ADRA1A: variants seen among roughly 807,000 people sequenced by gnomAD.
ADRA1A encodes the protein alpha-1A adrenergic receptor.
A neutral mutation model predicts 29.6 loss-of-function variants in ADRA1A; 31 were observed. The observed-to-expected ratio is 1.05, with a 90% CI of 0.79 to 1.41. The LOEUF is 1.41. Ranked by LOEUF, ADRA1A falls within the 40% of genes most tolerant of loss-of-function variation. ADRA1A has a pLI of 0.00. For synonymous variants in ADRA1A, 311 were observed against 254.3 expected (o/e 1.22, Z -2.12); for missense variants, 619 against 601.1 (o/e 1.03, Z -0.31).
chr8:26,764,640 T>C (rs1186878724), downstream of ADRA1A, among the ~76,000 whole-genome samples: 2 of 152,240 alleles, frequency 1.3e-5, no homozygotes, highest in Non-Finnish European at 2.9e-5. Context: ...TTTCTTTATA[T>C]GCTAAAGTGT....
At chr8:26,829,227 G>C (rs994618868) in intron 2 of ADRA1A, among the ~76,000 whole-genome samples, 3 of 152,078 alleles carry the variant, frequency 2.0e-5, no homozygotes, top group Non-Finnish European at 4.4e-5. Context: ...AATCCTGCTT[G>C]ACACAAGACC....
rs919575920 is a variant in ADRA1A at position 26,775,383 on chromosome 8, G to T, written c.884-4717C>A. 7.2e-5 allele frequency among the ~76,000 whole-genome samples: 11 copies of T among 152,066 alleles called. No homozygotes were observed. The highest frequency in any genetic ancestry group is 6.8e-3 in the Middle Eastern group (2 of 294). Reference sequence around the variant, plus strand: ...CCCACCATTTCAGTTCAGTCATTTGGTTTTTTTGTAATGTTATTTTACTAC... The same window carrying T: ...CCCACCATTTCAGTTCAGTCATTTGTTTTTTTTGTAATGTTATTTTACTAC... On this transcript the variant is annotated intron_variant, in intron 2 of 2. Transcript: ENST00000380573. The surrounding 1 kb of genome is among the most constrained non-coding windows in gnomAD (Gnocchi z 4.1).
In ADRA1A at chr8:26,866,639, C is replaced by T. The variant is rs1563325109; in HGVS notation, c.-687+297G>A. Among the ~76,000 whole-genome samples the T allele has an allele frequency of 3.3e-5, 5 of 152,242 alleles. No individual in the cohort carries two copies. In the East Asian group the frequency reaches 9.7e-4, roughly 30 times the overall value. On this transcript the variant is annotated intron_variant, in intron 1 of 2. Transcript: ENST00000380573. This position sits in a 1 kb window ranked among gnomAD's most constrained non-coding sequence, Gnocchi z 5.7. ...TGAGGTGGGACCTCGGGCAAAGACTCTTGTTAAAATCGCAAGTTGGAGACC... is the reference window on the plus strand; with the variant it reads ...TGAGGTGGGACCTCGGGCAAAGACTTTTGTTAAAATCGCAAGTTGGAGACC...
intron 2 of ADRA1A, among the ~76,000 whole-genome samples, chr8:26,838,487 A>G (rs1319672113): frequency 6.6e-6 from 1 of 152,198 alleles, no homozygotes; most frequent in Non-Finnish European, 1.5e-5. Flanking sequence ...AATTGAACAA[A>G]TATTTATTCA....
chr8:26,809,528 C>T (rs13261054), intron 2 of ADRA1A, among the ~76,000 whole-genome samples: 64,694 of 152,120 alleles, frequency 0.43, 15,645 homozygotes, highest in African/African-American at 0.66. Context: ...CCTTGGAGGC[C>T]AGAATGATAC....
rs1487344053 is a variant in ADRA1A, at chr8:26,805,605, G to A, written c.884-34939C>T. Among the ~76,000 whole-genome samples, 1 of 152,216 alleles carries A rather than the reference G, an allele frequency of 6.6e-6. No individual in the cohort carries two copies. Among genetic ancestry groups the A allele is most frequent in the African/African-American group, 2.4e-5 (1 of 41,456 alleles). ...TTACGAAACAGGCATGAGAGGCTAAGTAACTTGCCCAAGGCCATGGAACAA... is the reference window on the plus strand; with the variant it reads ...TTACGAAACAGGCATGAGAGGCTAAATAACTTGCCCAAGGCCATGGAACAA... On this transcript the variant is annotated intron_variant, in intron 2 of 2. Transcript: ENST00000380573. The surrounding 1 kb of genome is among the most constrained non-coding windows in gnomAD (Gnocchi z 4.8).
chr8:26,778,898 C>T (rs968516410), intron 2 of ADRA1A, among the ~76,000 whole-genome samples: 2 of 151,564 alleles, frequency 1.3e-5, no homozygotes, highest in African/African-American at 4.9e-5. Context: ...ACATATGTAA[C>T]AAACCTGCAT....
chr8:26,749,502 T>C (rs1165368258), intron 2 of ADRA1A, among the ~76,000 whole-genome samples: 1 of 152,268 alleles, frequency 6.6e-6, no homozygotes. Flanking sequence ...TGGCATGTAA[T>C]AAATCTTTAA....
chr8:26,838,198 C>T (rs1209609483), intron 2 of ADRA1A, among the ~76,000 whole-genome samples: 2 of 152,168 alleles, frequency 1.3e-5, no homozygotes, highest in African/African-American at 2.4e-5. Flanking sequence ...TATAAGACCA[C>T]ATGTAAGTAC....
In ADRA1A at chr8:26,770,772, A is replaced by G. The variant is rs377166222; in HGVS notation, c.884-106T>C. ...CTTTCTGTATTTTTAAACGGTTAAA[A>G]TGATCCCAAACACATATGAGTTTCT... On this transcript the variant is annotated intron_variant, in intron 2 of 2. Coordinates refer to ENST00000380573, the MANE Select transcript of ADRA1A (RefSeq NM_000680.4). 7 of 1,433,642 alleles carry G rather than the reference A, an allele frequency of 4.9e-6. No individual in the cohort carries two copies. In the East Asian group the frequency reaches 9.8e-5, roughly 20 times the overall value. The allele number at this position is 1,433,642 out of a possible 1,614,324, so 88.8% of individuals were successfully genotyped here.
chr8:26,754,057 C>T (rs1805041440), downstream of ADRA1A, among the ~76,000 whole-genome samples: 1 of 152,102 alleles, frequency 6.6e-6, no homozygotes, highest in Non-Finnish European at 1.5e-5. Context: ...TGAAAAGAAA[C>T]ATAAAATCAA....
chr8:26,769,664 C>G lies in ADRA1A; in HGVS notation c.*485G>C. The G allele has an allele frequency of 1.0e-6, 1 of 986,010 alleles. No homozygotes were observed. The highest frequency in any genetic ancestry group is 4.7e-5 in the South Asian group (1 of 21,298). 61.1% of individuals were successfully genotyped at this position (986,010 alleles called of 1,614,324 possible). On this transcript the variant is annotated 3_prime_UTR_variant, in exon 3 of 3. Coordinates refer to ENST00000380573, the MANE Select transcript of ADRA1A (RefSeq NM_000680.4). ...CTCTAAAAATAATGTGTCTGGATCT[C>G]GGCCACCATCTTAATGCTCTTCCTC...
At chr8:26,788,044 C>T (rs1480812140) in intron 2 of ADRA1A, among the ~76,000 whole-genome samples, 1 of 152,124 alleles carries the variant, frequency 6.6e-6, no homozygotes, top group Non-Finnish European at 1.5e-5. Context: ...CACCTGTCAG[C>T]TGCTCTGAGA....
intron 2 of ADRA1A, among the ~76,000 whole-genome samples, chr8:26,811,548 C>T (rs1299910926): frequency 6.6e-6 from 1 of 152,334 alleles, no homozygotes; most frequent in South Asian, 2.1e-4. Context: ...CTCCTTGTCA[C>T]TGCCACTAAA....
chr8:26,810,276 G>A (rs1214545261), intron 2 of ADRA1A, among the ~76,000 whole-genome samples: 1 of 152,174 alleles, frequency 6.6e-6, no homozygotes, highest in Non-Finnish European at 1.5e-5. Flanking sequence ...CTGCATTTCT[G>A]AATTCCCAAA....
chr8:26,779,493 G>A (rs1806799701), intron 2 of ADRA1A: 1 of 646,302 alleles, frequency 1.5e-6, no homozygotes, highest in Non-Finnish European at 2.8e-6. Context: ...AAGAGCAGAT[G>A]CTTCTAGGCA....
intron 2 of ADRA1A, among the ~76,000 whole-genome samples, chr8:26,856,433 A>G (rs549773998): frequency 1.3e-5 from 2 of 152,340 alleles, no homozygotes; most frequent in South Asian, 4.1e-4. Context: ...TTTGGATAAA[A>G]ACACAAACTT....
intron 2 of ADRA1A, among the ~76,000 whole-genome samples, chr8:26,792,033 G>C (rs1807872908): frequency 6.6e-6 from 1 of 152,108 alleles, no homozygotes; most frequent in Admixed American, 6.6e-5. Context: ...AGGACAAGGA[G>C]CACTAGAATG....
chr8:26,857,775 G>A (rs1813158194), intron 2 of ADRA1A, among the ~76,000 whole-genome samples: 2 of 152,164 alleles, frequency 1.3e-5, no homozygotes, highest in African/African-American at 4.8e-5. Context: ...CTTTGTACCT[G>A]CAGTGAAGCA....
Sources: gnomAD v4.1 joint callset for allele counts (sites outside exome capture counted in the v4.1 genomes callset) on GRCh38, gnomAD v4.1.1 for gene constraint, Gnocchi (gnomAD v3.1) non-coding constraint, MANE v1.5 for transcripts, NCBI Gene and HGNC (gene_info 2026-07-23, HGNC 2026-07-21) for gene names.